MSR1: variants seen among roughly 807,000 people sequenced by gnomAD.
MSR1 encodes the protein macrophage scavenger receptor types I and II.
A neutral mutation model predicts 47.2 loss-of-function variants in MSR1; 53 were observed. The observed-to-expected ratio is 1.12, with a 90% CI of 0.90 to 1.41. The LOEUF (loss-of-function observed/expected upper bound fraction) is 1.41. MSR1 is among the 40% of genes most tolerant of loss of function. The pLI is 0.00. For synonymous variants in MSR1, 239 were observed against 185.6 expected, an observed-to-expected ratio of 1.29 and a Z score of -2.34; for missense variants, 786 against 546.9, an observed-to-expected ratio of 1.44 and a Z score of -4.36.
intron 5 of MSR1, among the ~76,000 whole-genome samples, chr8:16,162,613 C>T (rs746344918): frequency 1.3e-4 from 20 of 151,902 alleles, no homozygotes; most frequent in Non-Finnish European, 2.9e-4. Flanking sequence ...TGCAAGGAGG[C>T]AATGAGCAGG....
intron 9 of MSR1, among the ~76,000 whole-genome samples, chr8:16,111,337 C>G (rs999925681): frequency 6.6e-6 from 1 of 152,034 alleles, no homozygotes; most frequent in African/African-American, 2.4e-5. Flanking sequence ...TATAAACAAA[C>G]AGAAATTAAA....
intron 8 of MSR1, among the ~76,000 whole-genome samples, chr8:16,134,617 G>A (rs535131561): frequency 6.6e-6 from 1 of 152,148 alleles, no homozygotes; most frequent in Admixed American, 6.6e-5. Flanking sequence ...CCTTAACAAC[G>A]GCCTCTAAGT....
At chr8:16,140,697 G>A (rs1800532442) in intron 8 of MSR1, 1 of 1,339,116 alleles carries the variant, frequency 7.5e-7, no homozygotes, top group Admixed American at 3.5e-5. Context: ...GCAGAGAACT[G>A]AGGACTGGTT....
chr8:16,166,902 G>C (rs138955974), intron 4 of MSR1, among the ~76,000 whole-genome samples: 77 of 151,224 alleles, frequency 5.1e-4, no homozygotes, highest in African/African-American at 1.8e-3. Flanking sequence ...ATGGGGATGA[G>C]CGTCCCAATG....
At chr8:16,155,015 A>T (rs1003516056) in intron 6 of MSR1, 49 bp downstream of exon 6, 7 of 1,442,644 alleles carry the variant, frequency 4.9e-6, no homozygotes, top group Non-Finnish European at 6.8e-6. Flanking sequence ...ACCTGGATGT[A>T]TATCATCTAT....
intron 8 of MSR1, among the ~76,000 whole-genome samples, chr8:16,142,351 A>C (rs1201688830): frequency 2.6e-5 from 4 of 152,092 alleles, no homozygotes; most frequent in African/African-American, 9.7e-5. Context: ...ACAAACAAAC[A>C]AAAAAACAAA....
chr8:16,165,661 T>C (rs36122124), intron 4 of MSR1, among the ~76,000 whole-genome samples: 129 of 152,202 alleles, frequency 8.5e-4, no homozygotes, highest in African/African-American at 3.0e-3. Context: ...TTTTCTTTAA[T>C]CCAGAAGTAA....
rs948996645 is a variant in MSR1, at chr8:16,186,345, C to T, written c.-5+6253G>A. The T allele has an allele frequency of 5.3e-5, 36 of 677,992 alleles. 1 individual carries two copies. The Admixed American group carries it at 1.0e-3, about 19-fold the overall frequency. The allele number at this position is 677,992 out of a possible 1,614,324, so 42.0% of individuals were successfully genotyped here. On this transcript the variant is annotated intron_variant, in intron 1 of 9. Coordinates refer to ENST00000262101, the MANE Select transcript of MSR1 (RefSeq NM_138715.3). ...CTTGGTGATCTCACTAGCCTCATTG[C>T]TTTAAATATAATCTAGAAGGCTGAT...
At chr8:16,118,080 CA>C (rs1799918513) in intron 9 of MSR1, among the ~76,000 whole-genome samples, 1 of 152,112 alleles carries the variant, frequency 6.6e-6, no homozygotes, top group African/African-American at 2.4e-5. Flanking sequence ...ATATAAGCAT[CA>C]AAATAATTCA....
At position 16,110,081 on chromosome 8, in the gene MSR1, T is replaced by C. The variant is rs761000044; in HGVS notation, c.*4A>G. 8 of 1,613,470 alleles carry C rather than the reference T, an allele frequency of 5.0e-6. No homozygotes were observed. In the South Asian group the frequency reaches 7.7e-5, roughly 16 times the overall value. ...TTCATAGTTGTGAATGAAAATATGA[T>C]GCATTATAAAGTGCAAGTGACTCCA... On this transcript the variant is annotated 3_prime_UTR_variant, in exon 10 of 10. Transcript: ENST00000262101.
chr8:16,131,840 T>C (rs1011816915), intron 8 of MSR1, among the ~76,000 whole-genome samples: 7 of 152,100 alleles, frequency 4.6e-5, no homozygotes, highest in Non-Finnish European at 1.0e-4. Context: ...CATTGGTGTA[T>C]GTGTCTGTTT....
chr8:16,183,986 A>T (rs441166), intron 1 of MSR1, among the ~76,000 whole-genome samples: 2,823 of 149,960 alleles, frequency 0.019, 92 homozygotes, highest in African/African-American at 0.065. Flanking sequence ...AATACAGAAA[A>T]GATGACAATG....
At chr8:16,181,116 C>A (rs1000582213) in intron 1 of MSR1, among the ~76,000 whole-genome samples, 31 of 151,912 alleles carry the variant, frequency 2.0e-4, no homozygotes, top group Admixed American at 9.8e-4. Context: ...AACAAAAAAA[C>A]CAAATAATTA....
chr8:16,189,030 T>G (rs568276120), intron 1 of MSR1, among the ~76,000 whole-genome samples: 151 of 146,356 alleles, frequency 1.0e-3, no homozygotes, highest in African/African-American at 2.9e-3. Flanking sequence ...TGAATTATTA[T>G]GTAGCAAAGA....
chr8:16,114,181 G>A (rs753878181), intron 9 of MSR1, among the ~76,000 whole-genome samples: 1 of 151,676 alleles, frequency 6.6e-6, no homozygotes, highest in African/African-American at 2.4e-5. Flanking sequence ...TTAAGGGATA[G>A]TTCAGAGGTA....
chr8:16,132,951 C>A (rs547962210), intron 8 of MSR1, among the ~76,000 whole-genome samples: 3 of 152,224 alleles, frequency 2.0e-5, no homozygotes, highest in Admixed American at 2.0e-4. Flanking sequence ...TCCTTCAACA[C>A]CTACTGCATT....
chr8:16,131,575 G>C (rs1800261119), intron 8 of MSR1, among the ~76,000 whole-genome samples: 1 of 150,504 alleles, frequency 6.6e-6, no homozygotes, highest in South Asian at 2.1e-4. Context: ...GTTCAGAATG[G>C]TATTTCATAG....
chr8:16,186,970 T>A (rs1351326404), intron 1 of MSR1, among the ~76,000 whole-genome samples: 2 of 151,984 alleles, frequency 1.3e-5, no homozygotes, highest in Admixed American at 1.3e-4. Flanking sequence ...CTTGAATTAA[T>A]TCTCCACACA....
chr8:16,186,173 AAG>A, intron 1 of MSR1: 1 of 1,535,172 alleles, frequency 6.5e-7, no homozygotes, highest in Non-Finnish European at 8.7e-7. Flanking sequence ...TTTTGTTGAG[AAG>A]AGAGATACTG....
Sources: gnomAD v4.1 joint callset for allele counts (sites outside exome capture counted in the v4.1 genomes callset) on GRCh38, gnomAD v4.1.1 for gene constraint, MANE v1.5 for transcripts, NCBI Gene and HGNC (gene_info 2026-07-23, HGNC 2026-07-21) for gene names.